EPHA7: variants seen among roughly 807,000 people sequenced by gnomAD.
EPHA7 encodes the protein EPH receptor A7, also known as ephrin type-A receptor 7.
In EPHA7, 25 loss-of-function variants were observed where a neutral mutation model predicts 112.6. The observed-to-expected ratio is 0.22, with a 90% CI of 0.16 to 0.31. The LOEUF (loss-of-function observed/expected upper bound fraction) is 0.31. Ranked by LOEUF, EPHA7 falls within the 10% of genes least tolerant of loss-of-function variation. The pLI is 1.00. For synonymous variants in EPHA7, 437 were observed against 406.5 expected (o/e 1.07, Z -0.90); for missense variants, 962 against 1,212.6 (o/e 0.79, Z 3.07).
At chr6:93,379,098 C>T (rs975178861) in intron 3 of EPHA7, among the ~76,000 whole-genome samples, 5 of 151,928 alleles carry the variant, frequency 3.3e-5, no homozygotes, top group Admixed American at 6.6e-5. Flanking sequence ...AAAAGAAATA[C>T]GTTAGCATTA....
chr6:93,416,691 C>G (rs1011871712), intron 1 of EPHA7, among the ~76,000 whole-genome samples: 17 of 152,232 alleles, frequency 1.1e-4, no homozygotes, highest in Admixed American at 2.6e-4. Flanking sequence ...CCTCCCTTTG[C>G]GCCCGCGGAG....
chr6:93,344,930 G>A (rs779428870), intron 5 of EPHA7, among the ~76,000 whole-genome samples: 25 of 151,440 alleles, frequency 1.7e-4, no homozygotes, highest in Non-Finnish European at 3.3e-4. Flanking sequence ...CCCCGGAGAG[G>A]CCACTCATTA....
At chr6:93,344,003 G>A (rs1775267527) in intron 5 of EPHA7, among the ~76,000 whole-genome samples, 2 of 151,532 alleles carry the variant, frequency 1.3e-5, no homozygotes, top group South Asian at 4.1e-4. Flanking sequence ...ACTGCACATA[G>A]CAAAAATAAA....
At chr6:93,383,579 T>C (rs1392371318) in intron 3 of EPHA7, among the ~76,000 whole-genome samples, 1 of 152,150 alleles carries the variant, frequency 6.6e-6, no homozygotes, top group Non-Finnish European at 1.5e-5. Context: ...AAATGTAATA[T>C]CTTAGGCAAT....
intron 12 of EPHA7, among the ~76,000 whole-genome samples, 189 bp downstream of exon 12, chr6:93,257,273 C>T (rs1401114411): frequency 6.6e-6 from 1 of 152,050 alleles, no homozygotes; most frequent in African/African-American, 2.4e-5. Flanking sequence ...CATTGTATTA[C>T]TTCAATGCTC....
At chr6:93,345,708 C>G (rs1775370014) in intron 5 of EPHA7, among the ~76,000 whole-genome samples, 1 of 151,730 alleles carries the variant, frequency 6.6e-6, no homozygotes, top group Non-Finnish European at 1.5e-5. Flanking sequence ...TTGTAACTGA[C>G]AGATCTGAAA....
chr6:93,286,046 C>T (rs1398769228), intron 5 of EPHA7, among the ~76,000 whole-genome samples: 1 of 151,968 alleles, frequency 6.6e-6, no homozygotes, highest in Non-Finnish European at 1.5e-5. Context: ...ATTACCTGGC[C>T]CTTTTCAGAA....
At chr6:93,407,818 T>C (rs1255305038) in intron 3 of EPHA7, among the ~76,000 whole-genome samples, 1 of 152,016 alleles carries the variant, frequency 6.6e-6, no homozygotes. Context: ...TTAAATTTGA[T>C]GAATGTAAGT....
intron 5 of EPHA7, among the ~76,000 whole-genome samples, chr6:93,318,367 T>A (rs1773907933): frequency 2.6e-5 from 4 of 152,048 alleles, no homozygotes; most frequent in Admixed American, 2.6e-4. Flanking sequence ...AAGAAGCTAC[T>A]TGGAACCACG....
In EPHA7 at chr6:93,258,236, C is replaced by G. The variant is rs1311518360; in HGVS notation, c.1973G>C (p.Arg658Thr). The G allele has an allele frequency of 1.2e-6, 2 of 1,612,242 alleles. No homozygotes were observed. The highest frequency in any genetic ancestry group is 3.3e-5 in the Admixed American group (2 of 59,894). ...CSGRLKLPGKRDVAVAIKTLK... is the reference protein window; with the variant it reads ...CSGRLKLPGKTDVAVAIKTLK... ...GGTTTTTATGGCTACTGCAACATCT[C>G]TTTTCCCTGGAAGTTTCAAACGGCC... The change falls in exon 11 of 17, where the codon AGA (arginine) becomes ACA (threonine). Residue 658 changes from arginine (R) to threonine (T), a missense_variant. Coordinates refer to ENST00000369303, the MANE Select transcript of EPHA7 (RefSeq NM_004440.4).
chr6:93,418,633 C>T (rs1779367016), intron 1 of EPHA7, among the ~76,000 whole-genome samples: 2 of 152,202 alleles, frequency 1.3e-5, no homozygotes, highest in Admixed American at 1.3e-4. Context: ...CGCCGCGCTT[C>T]ACCTCCGCGG....
intron 1 of EPHA7, among the ~76,000 whole-genome samples, chr6:93,417,066 A>AGGCGGC (rs961687745): frequency 1.3e-5 from 2 of 152,084 alleles, no homozygotes; most frequent in South Asian, 4.1e-4. Flanking sequence ...TCTGAGGAAG[A>AGGCGGC]GGCGGCGGCG....
chr6:93,306,596 T>G (rs1344502498), intron 5 of EPHA7, among the ~76,000 whole-genome samples: 1 of 152,018 alleles, frequency 6.6e-6, no homozygotes, highest in South Asian at 2.1e-4. Context: ...TACATTTTAA[T>G]GTAAAACAAA....
At chr6:93,330,360 C>T (rs1407248683) in intron 5 of EPHA7, among the ~76,000 whole-genome samples, 1 of 151,192 alleles carries the variant, frequency 6.6e-6, no homozygotes, top group African/African-American at 2.4e-5. Context: ...TTAACTATAT[C>T]ACACTACAGT....
intron 15 of EPHA7, 31 bp downstream of exon 15, chr6:93,246,761 C>G (rs2127846724): frequency 5.2e-6 from 8 of 1,552,532 alleles, no homozygotes; most frequent in Non-Finnish European, 7.1e-6. Flanking sequence ...TGTAATTTCT[C>G]CCAGATTCCA....
At position 93,245,409 on chromosome 6, in the gene EPHA7, G is replaced by GT; in HGVS notation, c.2770dup (p.Thr924AsnfsTer13). The GT allele has an allele frequency of 6.2e-7, 1 of 1,613,746 alleles. No individual in the cohort carries two copies. Among genetic ancestry groups the GT allele is most frequent in the Non-Finnish European group, 8.5e-7 (1 of 1,179,860 alleles). On this transcript the variant is annotated frameshift_variant, in exon 16 of 17. Coordinates refer to ENST00000369303, the MANE Select transcript of EPHA7 (RefSeq NM_004440.4). LOFTEE classifies it high-confidence loss of function. Reference sequence around the variant, plus strand: ...TAGCCATTCTCCAACTGAACAAAAGGTAGTGAAATCAGGAGTGTTTTGATC... The same window carrying GT: ...TAGCCATTCTCCAACTGAACAAAAGGTTAGTGAAATCAGGAGTGTTTTGATC...
intron 5 of EPHA7, among the ~76,000 whole-genome samples, chr6:93,305,588 C>T (rs1180750076): frequency 6.6e-6 from 1 of 151,866 alleles, no homozygotes. Context: ...ACTAGTGACT[C>T]TGAGTGTGGC....
chr6:93,273,267 ACT>A (rs1393625254), intron 5 of EPHA7, among the ~76,000 whole-genome samples: 8 of 151,822 alleles, frequency 5.3e-5, no homozygotes, highest in African/African-American at 1.9e-4. Context: ...CTAGTTGTCT[ACT>A]CTGTCTAAAT....
chr6:93,275,135 G>T (rs2127887097), intron 5 of EPHA7, among the ~76,000 whole-genome samples: 1 of 151,848 alleles, frequency 6.6e-6, no homozygotes, highest in Admixed American at 6.6e-5. Flanking sequence ...TTATACAAAT[G>T]AAATATACAA....
Sources: allele counts gnomAD v4.1 joint callset (sites outside exome capture counted in the v4.1 genomes callset), GRCh38; gene constraint gnomAD v4.1.1; transcripts MANE v1.5; gene names NCBI Gene and HGNC (gene_info 2026-07-23, HGNC 2026-07-21).